Variants in ENOSF1 observed in about 807,000 individuals in gnomAD.
ENOSF1 encodes mitochondrial enolase superfamily member 1.
Under a neutral mutation model 68.2 loss-of-function variants are expected in ENOSF1, and 73 were observed. That is an observed-to-expected ratio of 1.07 (90% CI 0.89 to 1.30). ENOSF1 has a LOEUF of 1.30. Among genes scored for constraint, ENOSF1 ranks in the 50% most tolerant of loss-of-function variants. The pLI is 0.00. For missense variants in ENOSF1, 589 were observed against 554.5 expected, an observed-to-expected ratio of 1.06 and a Z score of -0.62; for synonymous variants, 223 against 210.4, an observed-to-expected ratio of 1.06 and a Z score of -0.52.
At chr18:693,244 C>T in intron 5 of ENOSF1, 1 of 1,288,800 alleles carries the variant, frequency 7.8e-7, no homozygotes, top group Non-Finnish European at 1.0e-6. Context: ...TGTTGAGCTC[C>T]TTCCCTGCTG....
chr18:667,955 CTTTTTG>C (rs1225802208), downstream of ENOSF1, among the ~76,000 whole-genome samples: 9 of 125,402 alleles, frequency 7.2e-5, no homozygotes, highest in South Asian at 5.2e-4. Flanking sequence ...AAGTTTGTCC[CTTTTTG>C]TTTTTAATTT....
chr18:692,365 G>C (rs2145071307), intron 5 of ENOSF1: 1 of 152,256 alleles, frequency 6.6e-6, no homozygotes, highest in South Asian at 2.1e-4. Flanking sequence ...CCAGCACTTT[G>C]GGAGGCTGAG....
At chr18:678,163 T>C in intron 12 of ENOSF1, 1 of 329,214 alleles carries the variant, frequency 3.0e-6, no homozygotes, top group South Asian at 3.3e-5. Flanking sequence ...GACTGATAAG[T>C]GGGAGATGAA....
chr18:690,229 C>T (rs924239930), intron 8 of ENOSF1, among the ~76,000 whole-genome samples: 1 of 152,178 alleles, frequency 6.6e-6, no homozygotes, highest in Non-Finnish European at 1.5e-5. Context: ...AACCTCTAAT[C>T]TGAGGCAAAG....
chr18:712,283 A>G, intron 1 of ENOSF1: 2 of 1,530,212 alleles, frequency 1.3e-6, no homozygotes, highest in South Asian at 2.4e-5. Flanking sequence ...AATGGGTTCG[A>G]AGTCGGGAAG....
downstream of ENOSF1, among the ~76,000 whole-genome samples, chr18:668,835 T>C (rs2074915748): frequency 6.6e-6 from 1 of 152,054 alleles, no homozygotes; most frequent in African/African-American, 2.4e-5. Flanking sequence ...TTCAAAGGAC[T>C]GTGTAGAAGA....
chr18:671,747 A>C lies in ENOSF1; in HGVS notation c.*2558T>G. ...AAAGGGGGCATTTTAACTCATTTTAACTTGAAGGAGAATTGAAGTGCAAAT... is the reference window on the plus strand; with the variant it reads ...AAAGGGGGCATTTTAACTCATTTTACCTTGAAGGAGAATTGAAGTGCAAAT... On this transcript the variant is annotated 3_prime_UTR_variant, in exon 16 of 16. Transcript: ENST00000647584. 1 of 391,130 alleles carries C rather than the reference A, an allele frequency of 2.6e-6. No homozygotes were observed. The highest frequency in any genetic ancestry group is 4.5e-6 in the Non-Finnish European group (1 of 221,180). 24.2% of individuals were successfully genotyped at this position (391,130 alleles called of 1,614,324 possible). A position where few individuals can be genotyped will look rare whatever the true frequency, so the allele number is the denominator to read the frequency against.
chr18:693,850 G>T, intron 5 of ENOSF1, 32 bp downstream of exon 5: 1 of 1,612,754 alleles, frequency 6.2e-7, no homozygotes, highest in South Asian at 1.1e-5. Flanking sequence ...TTCATTTACA[G>T]AAACAATTGT....
chr18:697,300 G>T lies in ENOSF1; in HGVS notation c.249C>A (p.Asp83Glu). ...AHHVLNKDLK[D>E]IVGDFRGFYR... ...AGAAGCCTCTGAAGTCACCAACAAT[G>T]TCCTTGAGGTCCTTGTTGAGCACAT... Residue 83 changes from aspartate to glutamate, a missense_variant, in exon 3 of 16, where the codon GAC becomes GAA. Coordinates refer to ENST00000647584, the MANE Select transcript of ENOSF1 (RefSeq NM_017512.7). 1 of 1,613,964 alleles carries T rather than the reference G, an allele frequency of 6.2e-7. No homozygotes were observed. Among genetic ancestry groups the T allele is most frequent in the Non-Finnish European group, 8.5e-7 (1 of 1,179,924 alleles).
chr18:686,890 G>C (rs879715739), intron 9 of ENOSF1: 1 of 152,226 alleles, frequency 6.6e-6, no homozygotes, highest in Non-Finnish European at 1.5e-5. Context: ...CCAGCTGGAG[G>C]CTTCAACTAC....
rs1255769025 is a variant in ENOSF1, at chr18:672,677, C to T, written c.*1628G>A. The T allele has an allele frequency of 5.5e-6, 3 of 549,040 alleles. No individual in the cohort carries two copies. The highest frequency in any genetic ancestry group is 9.3e-6 in the Non-Finnish European group (3 of 322,952). 34.0% of individuals were successfully genotyped at this position (549,040 alleles called of 1,614,324 possible). On this transcript the variant is annotated 3_prime_UTR_variant, in exon 16 of 16. Coordinates refer to ENST00000647584, the MANE Select transcript of ENOSF1 (RefSeq NM_017512.7). The stretch of plus-strand genomic sequence containing the variant: ...AAATACCCCTCACTCTCGATCTGTG[C>T]AAGAGAACAGCTGGTTGCGCTCCAA...
At position 677,421 on chromosome 18, in the gene ENOSF1, C is replaced by T. The variant is rs749636026; in HGVS notation, c.1072G>A (p.Gly358Arg). 2 of 1,613,640 alleles carry T rather than the reference C, an allele frequency of 1.2e-6. No homozygotes were observed. The highest frequency in any genetic ancestry group is 1.7e-5 in the Admixed American group (1 of 59,784). ...TGCACCAGTTCACAGAGGCCAACTC[C>T]ACCAGCATGGGGGCAAACAGGAACT... ...FEIPVCPHAG[G>R]VGLCELVQHL... is the part of the protein sequence containing the mutation. The change falls in exon 14 of 16, where the codon GGA (glycine) becomes AGA (arginine). Residue 358 changes from glycine (G) to arginine (R), a missense_variant. Coordinates refer to ENST00000647584, the MANE Select transcript of ENOSF1 (RefSeq NM_017512.7).
At chr18:700,916 A>AG (rs2078278591) in intron 2 of ENOSF1, among the ~76,000 whole-genome samples, 21 of 138,152 alleles carry the variant, frequency 1.5e-4, no homozygotes, top group Admixed American at 2.3e-4. Flanking sequence ...AAAAAAAAAC[A>AG]AGAGAAATTT....
chr18:681,146 G>A (rs567089587), intron 11 of ENOSF1, among the ~76,000 whole-genome samples: 3 of 147,294 alleles, frequency 2.0e-5, no homozygotes, highest in Non-Finnish European at 4.6e-5. Context: ...ACAGGTGTGA[G>A]CCACTATGCC....
chr18:678,404 A>T, intron 12 of ENOSF1: 1 of 470,544 alleles, frequency 2.1e-6, no homozygotes, highest in Non-Finnish European at 3.7e-6. Flanking sequence ...CTTTCTTAAG[A>T]CCATTTTCTG....
At chr18:708,871 C>T (rs1252514682) in intron 1 of ENOSF1, among the ~76,000 whole-genome samples, 1 of 152,068 alleles carries the variant, frequency 6.6e-6, no homozygotes, top group African/African-American at 2.4e-5. Flanking sequence ...AGGAGTTGAG[C>T]GATGAGGCTG....
intron 12 of ENOSF1, chr18:678,363 C>T (rs970775591): frequency 3.3e-5 from 13 of 395,382 alleles, no homozygotes; most frequent in Non-Finnish European, 4.5e-5. Flanking sequence ...AAAAAGTGAA[C>T]GCAGTCATGT....
In ENOSF1 at chr18:690,606, G is replaced by A. The variant is rs1277666179; in HGVS notation, c.561C>T (p.Tyr187=). 3 of 1,613,748 alleles carry A rather than the reference G, an allele frequency of 1.9e-6. No individual in the cohort carries two copies. The highest frequency in any genetic ancestry group is 2.5e-6 in the Non-Finnish European group (3 of 1,179,996). ...EREKQMLAQG[Y]PAYTTSCAWL... is the part of the protein sequence containing the mutation. ...AGGCGCACGATGTCGTGTAAGCAGG[G>A]TATCCTTGTGCCAGCATTTGCTTCT... Residue 187 remains tyrosine (Y), a synonymous_variant, in exon 8 of 16, where the codon TAC becomes TAT. Transcript: ENST00000647584.
intron 12 of ENOSF1, 21 bp downstream of exon 12, chr18:678,675 C>T: frequency 6.2e-7 from 1 of 1,613,400 alleles, no homozygotes; most frequent in Middle Eastern, 1.8e-4. Flanking sequence ...ACGTCATCCA[C>T]CTGTTGGGGG....
Sources: gnomAD v4.1 joint callset for allele counts (sites outside exome capture counted in the v4.1 genomes callset) on GRCh38, gnomAD v4.1.1 for gene constraint, MANE v1.5 for transcripts, NCBI Gene and HGNC (gene_info 2026-07-23, HGNC 2026-07-21) for gene names.